The following PTTG1IP variants were observed in gnomAD, a reference collection of about 807,000 sequenced individuals.
PTTG1IP encodes PTTG1 interacting protein.
A neutral mutation model predicts 24.4 loss-of-function variants in PTTG1IP; 16 were observed. The observed-to-expected ratio is 0.66, with a 90% CI of 0.44 to 1.00. The LOEUF (loss-of-function observed/expected upper bound fraction) is 1.00. Ranked by LOEUF, PTTG1IP falls within the 50% of genes least tolerant of loss-of-function variation. The pLI is 0.00. For synonymous variants in PTTG1IP, 89 were observed against 96.8 expected (o/e 0.92, Z 0.47); for missense variants, 241 against 245.8 (o/e 0.98, Z 0.13).
At chr21:44,859,299 G>C (rs370871806) in intron 3 of PTTG1IP, among the ~76,000 whole-genome samples, 1 of 152,196 alleles carries the variant, frequency 6.6e-6, no homozygotes, top group Admixed American at 6.5e-5. Context: ...ACAGGAATTG[G>C]GCCTTCTGAA....
At chr21:44,865,662 G>C (rs551484505) in intron 1 of PTTG1IP, 1 of 618,418 alleles carries the variant, frequency 1.6e-6, no homozygotes, top group Admixed American at 2.6e-5. Flanking sequence ...TGCAGGCAGG[G>C]CACAAAGAGT....
chr21:44,867,461 G>C (rs1569326856), intron 1 of PTTG1IP, among the ~76,000 whole-genome samples: 1 of 152,222 alleles, frequency 6.6e-6, no homozygotes, highest in African/African-American at 2.4e-5. Flanking sequence ...GAATCTTCCA[G>C]ATCGAGGGTC....
intron 5 of PTTG1IP, among the ~76,000 whole-genome samples, chr21:44,853,048 A>G (rs564272408): frequency 6.6e-6 from 1 of 152,366 alleles, no homozygotes; most frequent in Admixed American, 6.5e-5. Context: ...ACACCACTCC[A>G]AGAGCCTGGC....
At chr21:44,859,252 A>G (rs2083472186) in intron 3 of PTTG1IP, among the ~76,000 whole-genome samples, 2 of 152,234 alleles carry the variant, frequency 1.3e-5, no homozygotes, top group Admixed American at 6.5e-5. Flanking sequence ...ATCTGTGGTG[A>G]CGGGAAGTCC....
At position 44,850,141 on chromosome 21, in the gene PTTG1IP, T is replaced by C. The variant is rs1352473165; in HGVS notation, c.*1440A>G. On this transcript the variant is annotated 3_prime_UTR_variant, in exon 6 of 6. Transcript: ENST00000330938. The stretch of plus-strand genomic sequence containing the variant: ...GTGTTCTGGATCAGTGATCTGCCTG[T>C]GAACTTTAGTTCACGCTGAAGACAG... The C allele has an allele frequency of 1.3e-5, 2 of 152,248 alleles. No individual in the cohort carries two copies. Among genetic ancestry groups the C allele is most frequent in the Non-Finnish European group, 2.9e-5 (2 of 68,026 alleles). The allele number at this position is 152,248 out of a possible 1,614,324, so 9.4% of individuals were successfully genotyped here.
At chr21:44,855,672 C>T (rs369850364) in intron 4 of PTTG1IP, among the ~76,000 whole-genome samples, 1 of 152,208 alleles carries the variant, frequency 6.6e-6, no homozygotes, top group East Asian at 1.9e-4. Flanking sequence ...ATCTGTCCCG[C>T]TTCCACCCTC....
At position 44,850,155 on chromosome 21, in the gene PTTG1IP, C is replaced by T. The variant is rs929074872; in HGVS notation, c.*1426G>A. On this transcript the variant is annotated 3_prime_UTR_variant, in exon 6 of 6. Coordinates refer to ENST00000330938, the MANE Select transcript of PTTG1IP (RefSeq NM_004339.4). ...TGATCTGCCTGTGAACTTTAGTTCA[C>T]GCTGAAGACAGTCTTCTCAGTTTTC... The T allele has an allele frequency of 1.3e-5, 2 of 152,164 alleles. No homozygotes were observed. The highest frequency in any genetic ancestry group is 2.9e-5 in the Non-Finnish European group (2 of 68,034). The allele number at this position is 152,164 out of a possible 1,614,324, so 9.4% of individuals were successfully genotyped here.
chr21:44,851,298 C>T lies in PTTG1IP; in HGVS notation c.*283G>A, dbSNP rs2083408441. 20 of 1,445,236 alleles carry T rather than the reference C, an allele frequency of 1.4e-5. No homozygotes were observed. Among genetic ancestry groups the T allele is most frequent in the East Asian group, 2.5e-5 (1 of 39,822 alleles). 89.5% of individuals were successfully genotyped at this position (1,445,236 alleles called of 1,614,324 possible). The stretch of plus-strand genomic sequence containing the variant: ...GTCAGGCGGCTTCGTGTGCAGTTAG[C>T]GTTTCACAAACTGAGAAGAGTATAA... On this transcript the variant is annotated 3_prime_UTR_variant, in exon 6 of 6. Transcript: ENST00000330938.
At chr21:44,853,163 CGT>C (rs1463203465) in intron 5 of PTTG1IP, among the ~76,000 whole-genome samples, 1 of 151,918 alleles carries the variant, frequency 6.6e-6, no homozygotes, top group African/African-American at 2.4e-5. Flanking sequence ...GCAGTGTGTG[CGT>C]GTGTGCGCGT....
At position 44,870,006 on chromosome 21, in the gene PTTG1IP, C is replaced by G. The variant is rs1350341267; in HGVS notation, c.115+3496G>C. Among the ~76,000 whole-genome samples the G allele has an allele frequency of 2.6e-5, 4 of 152,298 alleles. No homozygotes were observed. In the South Asian group the frequency reaches 8.3e-4, roughly 32 times the overall value. ...ATCTATCCCCAGACCTCTGGATTAC[C>G]GGTCAGTCTGAGTCAGACCCAGACC... On this transcript the variant is annotated intron_variant, in intron 1 of 5. Transcript: ENST00000330938.
At chr21:44,866,192 T>A (rs1477665076) in intron 1 of PTTG1IP, among the ~76,000 whole-genome samples, 8 of 148,060 alleles carry the variant, frequency 5.4e-5, no homozygotes, top group Non-Finnish European at 1.5e-5. Context: ...GCTGACTGCC[T>A]ACTCCCCCAA....
At chr21:44,867,596 CAGGCATGGTGA>C (rs1212350629) in intron 1 of PTTG1IP, among the ~76,000 whole-genome samples, 10 of 152,248 alleles carry the variant, frequency 6.6e-5, no homozygotes, top group Non-Finnish European at 1.2e-4. Flanking sequence ...TGGTCCCTGA[CAGGCATGGTGA>C]AGGCAGGAGA....
chr21:44,868,984 G>T (rs1465973185), intron 1 of PTTG1IP, among the ~76,000 whole-genome samples: 1 of 152,204 alleles, frequency 6.6e-6, no homozygotes, highest in Non-Finnish European at 1.5e-5. Flanking sequence ...ATGATGATGG[G>T]ACAAAGTGAC....
Position 44,850,954 on chromosome 21 carries a change from T to A in PTTG1IP, c.*627A>T, listed in dbSNP as rs988565339. 6.3e-6 allele frequency: 1 copy of A among 157,722 alleles called. No homozygotes were observed. The highest frequency in any genetic ancestry group is 1.4e-5 in the Non-Finnish European group (1 of 72,066). The allele number at this position is 157,722 out of a possible 1,614,324, so 9.8% of individuals were successfully genotyped here. A position where few individuals can be genotyped will look rare whatever the true frequency, so the allele number is the denominator to read the frequency against. ...GAAATCTTTTAAGCAGGGAGGAAAA[T>A]CCAATAAATTTTTTTAAAAAGGTTT... On this transcript the variant is annotated 3_prime_UTR_variant, in exon 6 of 6. Coordinates refer to ENST00000330938, the MANE Select transcript of PTTG1IP (RefSeq NM_004339.4).
rs570683107 is a variant in PTTG1IP, at chr21:44,869,118, T to C, written c.116-3671A>G. Among the ~76,000 whole-genome samples the C allele has an allele frequency of 9.9e-5, 15 of 152,252 alleles. No homozygotes were observed. The South Asian group carries it at 2.1e-3, about 21-fold the overall frequency. On this transcript the variant is annotated intron_variant, in intron 1 of 5. Transcript: ENST00000330938. ...GACCCACTGAGGGTCCTTCCACAAATTGGCTTTCTCAAGACAAAGAGGAAC... is the reference window on the plus strand; with the variant it reads ...GACCCACTGAGGGTCCTTCCACAAACTGGCTTTCTCAAGACAAAGAGGAAC...
chr21:44,853,571 C>T (rs1263436933), intron 5 of PTTG1IP, among the ~76,000 whole-genome samples: 1 of 151,608 alleles, frequency 6.6e-6, no homozygotes, highest in East Asian at 1.9e-4. Flanking sequence ...TCAAGGAAAG[C>T]ACAATGCCTC....
chr21:44,854,657 T>C (rs1268067415), intron 5 of PTTG1IP, among the ~76,000 whole-genome samples: 2 of 152,138 alleles, frequency 1.3e-5, no homozygotes, highest in East Asian at 3.8e-4. Context: ...TCCAACTAAA[T>C]AAAAGGTTTA....
intron 2 of PTTG1IP, 38 bp from the exon 3 acceptor site, chr21:44,861,309 C>G: frequency 6.4e-7 from 1 of 1,554,088 alleles, no homozygotes; most frequent in South Asian, 1.1e-5. Flanking sequence ...TTAGAAACAA[C>G]AGAAAAACCA....
At chr21:44,864,792 G>A (rs538089258) in intron 2 of PTTG1IP, among the ~76,000 whole-genome samples, 2 of 152,328 alleles carry the variant, frequency 1.3e-5, no homozygotes, top group East Asian at 3.9e-4. Flanking sequence ...AGTCTCCATC[G>A]GGAAGGCACC....
Sources: allele counts gnomAD v4.1 joint callset (sites outside exome capture counted in the v4.1 genomes callset), GRCh38; gene constraint gnomAD v4.1.1; transcripts MANE v1.5; gene names NCBI Gene and HGNC (gene_info 2026-07-23, HGNC 2026-07-21).